The following INTS2 variants were observed in gnomAD, a reference collection of about 807,000 sequenced individuals.
The protein encoded by INTS2 is KIAA1287.
Under a neutral mutation model 139.6 loss-of-function variants are expected in INTS2, and 57 were observed. The ratio of observed to expected loss-of-function variants is 0.41; its 90% CI spans 0.33 to 0.51. The LOEUF (loss-of-function observed/expected upper bound fraction) is 0.51, where lower values mean the gene tolerates loss of function less well. Among genes scored for constraint, INTS2 ranks in the 20% least tolerant of loss-of-function variants. The pLI is 0.28. For missense variants in INTS2, 1,196 were observed against 1,436.7 expected (o/e 0.83, Z 2.71); for synonymous variants, 473 against 493.4 (o/e 0.96, Z 0.55).
rs201955112 is a variant in INTS2, at chr17:61,909,827, G to A, written c.954+1693C>T. Among the ~76,000 whole-genome samples the A allele has an allele frequency of 3.0e-4, 3 of 9,938 alleles. No individual in the cohort carries two copies. The highest frequency in any genetic ancestry group is 3.6e-4 in the African/African-American group (2 of 5,490). 6.5% of individuals were successfully genotyped at this position (9,938 alleles called of 152,430 possible). The stretch of plus-strand genomic sequence containing the variant: ...CGTGTGTGTGTACATGTGTGTATGT[G>A]TGTGTGTGTGTGTGTGTGTGTGTGT... On this transcript the variant is annotated intron_variant, in intron 7 of 24. Transcript: ENST00000251334. The surrounding 1 kb of genome is among the most constrained non-coding windows in gnomAD (Gnocchi z 4.9).
rs570168027 is a variant in INTS2, at chr17:61,867,108, C to A, written c.*449G>T. ...TTTAACTCCTATTATTTCCTTAATT[C>A]TCCTTTCCCTTTACCCTTTTTTCCT... On this transcript the variant is annotated 3_prime_UTR_variant, in exon 25 of 25. Coordinates refer to ENST00000251334, the MANE Select transcript of INTS2 (RefSeq NM_001351695.2). The surrounding 1 kb of genome is among the most constrained non-coding windows in gnomAD (Gnocchi z 5.6). The A allele has an allele frequency of 2.0e-5, 3 of 152,302 alleles. No individual in the cohort carries two copies. Among genetic ancestry groups the A allele is most frequent in the Non-Finnish European group, 4.4e-5 (3 of 68,160 alleles). The allele number at this position is 152,302 out of a possible 1,614,324, so 9.4% of individuals were successfully genotyped here.
Position 61,872,733 on chromosome 17 carries a change from G to A in INTS2, c.2583-273C>T, listed in dbSNP as rs1264038717. On this transcript the variant is annotated intron_variant, in intron 19 of 24. Coordinates refer to ENST00000251334, the MANE Select transcript of INTS2 (RefSeq NM_001351695.2). This position sits in a 1 kb window ranked among gnomAD's most constrained non-coding sequence, Gnocchi z 4.8. ...CTAAAGAAAAGATGACCGGGTGCGG[G>A]CAAAACAATATTGCATGAAGAAAAA... Among the ~76,000 whole-genome samples the A allele has an allele frequency of 6.6e-6, 1 of 152,024 alleles. No homozygotes were observed. The highest frequency in any genetic ancestry group is 6.6e-5 in the Admixed American group (1 of 15,242).
chr17:61,866,694 C>A lies in INTS2; in HGVS notation c.*863G>T, dbSNP rs1208016445. 1 of 152,018 alleles carries A rather than the reference C, an allele frequency of 6.6e-6. No individual in the cohort carries two copies. Among genetic ancestry groups the A allele is most frequent in the African/African-American group, 2.4e-5 (1 of 41,386 alleles). 9.4% of individuals were successfully genotyped at this position (152,018 alleles called of 1,614,324 possible). A position where few individuals can be genotyped will look rare whatever the true frequency, so the allele number is the denominator to read the frequency against. On this transcript the variant is annotated 3_prime_UTR_variant, in exon 25 of 25. Transcript: ENST00000251334. ...CTCTTTAATCCAGTGGGTTTTATTGCTCTACCTTCATTTAATTTGATACAT... is the reference window on the plus strand; with the variant it reads ...CTCTTTAATCCAGTGGGTTTTATTGATCTACCTTCATTTAATTTGATACAT...
intron 5 of INTS2, among the ~76,000 whole-genome samples, chr17:61,914,619 CG>C (rs1603382462): frequency 6.7e-6 from 1 of 149,066 alleles, no homozygotes; most frequent in East Asian, 2.0e-4. Flanking sequence ...GGGAGAATGG[CG>C]TGAACACAGG....
chr17:61,873,367 A>AAT lies in INTS2; in HGVS notation c.2583-908_2583-907insAT, dbSNP rs544157100. 2.6e-3 allele frequency among the ~76,000 whole-genome samples: 403 copies of AAT among 152,272 alleles called. 3 individuals are homozygous for AAT. The highest frequency in any genetic ancestry group is 0.01 in the Middle Eastern group (3 of 294). ...AGCAAGACCCCCAACTCAAAAAATA[A>AAT]AAATAAATTTGAAATAAGAACATTA... On this transcript the variant is annotated intron_variant, in intron 19 of 24. Coordinates refer to ENST00000251334, the MANE Select transcript of INTS2 (RefSeq NM_001351695.2). The surrounding 1 kb of genome is among the most constrained non-coding windows in gnomAD (Gnocchi z 4.0).
intron 11 of INTS2, 33 bp from the exon 12 acceptor site, chr17:61,895,416 A>G: frequency 3.1e-6 from 4 of 1,304,004 alleles, no homozygotes; most frequent in Non-Finnish European, 4.3e-6. Flanking sequence ...AACAGCATGT[A>G]AAAATATATG....
chr17:61,917,084 T>C (rs984420167), intron 5 of INTS2, among the ~76,000 whole-genome samples: 4 of 152,214 alleles, frequency 2.6e-5, no homozygotes, highest in Non-Finnish European at 2.9e-5. Context: ...AAAACAATCA[T>C]GAAATGCCAT....
intron 9 of INTS2, among the ~76,000 whole-genome samples, chr17:61,903,609 A>T (rs1319177223): frequency 6.6e-6 from 1 of 152,092 alleles, no homozygotes; most frequent in African/African-American, 2.4e-5. Context: ...TGAATGGTAC[A>T]TATAACACCA....
rs896354099 is a variant in INTS2 at position 61,868,514 on chromosome 17, G to T, written c.3245-505C>A. 3.9e-5 allele frequency among the ~76,000 whole-genome samples: 6 copies of T among 152,094 alleles called. No homozygotes were observed. The highest frequency in any genetic ancestry group is 1.3e-4 in the Admixed American group (2 of 15,270). On this transcript the variant is annotated intron_variant, in intron 23 of 24. Coordinates refer to ENST00000251334, the MANE Select transcript of INTS2 (RefSeq NM_001351695.2). This position sits in a 1 kb window ranked among gnomAD's most constrained non-coding sequence, Gnocchi z 4.7. The stretch of plus-strand genomic sequence containing the variant: ...TAACTATGCCATTACATTAAGGGTT[G>T]CATTATAGTTCATATATTTTAAAGT...
At chr17:61,911,207 C>T in intron 7 of INTS2, 1 of 354,804 alleles carries the variant, frequency 2.8e-6, no homozygotes, top group Admixed American at 4.5e-5. Flanking sequence ...AATCTTCCTG[C>T]TTCAGCCTCC....
chr17:61,914,095 C>T (rs2079553601), intron 5 of INTS2, among the ~76,000 whole-genome samples: 1 of 151,116 alleles, frequency 6.6e-6, no homozygotes, highest in African/African-American at 2.4e-5. Flanking sequence ...GAGACTGCCA[C>T]TAGATTAAAA....
chr17:61,924,236 TATTCAC>T (rs1198922549), intron 3 of INTS2, among the ~76,000 whole-genome samples: 1 of 152,172 alleles, frequency 6.6e-6, no homozygotes, highest in African/African-American at 2.4e-5. Context: ...ATTTTTCAGT[TATTCAC>T]ATTCAGTTAT....
chr17:61,926,953 G>A, intron 1 of INTS2: 2 of 408,688 alleles, frequency 4.9e-6, no homozygotes, highest in Non-Finnish European at 4.5e-6. Flanking sequence ...GAAGTAACAC[G>A]CCCAAAATAG....
chr17:61,888,882 G>T (rs904741076), intron 15 of INTS2, among the ~76,000 whole-genome samples: 1 of 151,956 alleles, frequency 6.6e-6, no homozygotes, highest in African/African-American at 2.4e-5. Flanking sequence ...AAAATTAGCC[G>T]GGCGTCGTAG....
intron 5 of INTS2, among the ~76,000 whole-genome samples, chr17:61,917,633 G>A (rs1435994424): frequency 6.6e-6 from 1 of 152,244 alleles, no homozygotes; most frequent in South Asian, 2.1e-4. Context: ...CCAGTGGGGA[G>A]GAAGAAAGGG....
At chr17:61,885,752 CAG>C (rs1368141776) in intron 15 of INTS2, among the ~76,000 whole-genome samples, 3 of 107,234 alleles carry the variant, frequency 2.8e-5, no homozygotes, top group African/African-American at 7.6e-5. Context: ...TTTTTTGAGA[CAG>C]AGTCTCGCTC....
rs1801971243 is a variant in INTS2, at chr17:61,921,770, C to T, written c.490G>A (p.Val164Ile). Residue 164 changes from valine (V) to isoleucine (I), a missense_variant, in exon 4 of 25, where the codon GTA becomes ATA. By Grantham distance (29) the Val-to-Ile change is conservative. Around this residue, in one of 3 missense-constraint regions of INTS2, gnomAD observed 1,129 missense variants for 1,341.9 expected, o/e 0.84. Coordinates refer to ENST00000251334, the MANE Select transcript of INTS2 (RefSeq NM_001351695.2). Reference protein sequence around the residue: ...FKSSELFESPVYLEEAADVLC... With the variant: ...FKSSELFESPIYLEEAADVLC... ...ACATCTGCAGCTTCCTCCAAATATA[C>T]TGGACTCTCAAAAAGTTCAGAAGAC... is the stretch of plus-strand genomic sequence containing the variant. 4 of 1,606,820 alleles carry T rather than the reference C, an allele frequency of 2.5e-6. No homozygotes were observed. The highest frequency in any genetic ancestry group is 3.4e-6 in the Non-Finnish European group (4 of 1,176,320).
At position 61,908,939 on chromosome 17, in the gene INTS2, C is replaced by T. The variant is rs114271017; in HGVS notation, c.955-1305G>A. On this transcript the variant is annotated intron_variant, in intron 7 of 24. Coordinates refer to ENST00000251334, the MANE Select transcript of INTS2 (RefSeq NM_001351695.2). ...ATGTTGTCTAGCTAAGTGACCTCAA[C>T]GAGTTAAATCGCAATCTGCATTAGC... Among the ~76,000 whole-genome samples, 112 of 152,120 alleles carry T rather than the reference C, an allele frequency of 7.4e-4. 1 individual carries two copies. The highest frequency in any genetic ancestry group is 2.4e-3 in the African/African-American group (98 of 41,530).
chr17:61,884,203 AGGG>A (rs2079203759), intron 16 of INTS2, among the ~76,000 whole-genome samples: 1 of 152,128 alleles, frequency 6.6e-6, no homozygotes, highest in African/African-American at 2.4e-5. Context: ...TAGATGAGGC[AGGG>A]GAGGCCGGGC....
Sources: gnomAD v4.1 joint callset for allele counts (sites outside exome capture counted in the v4.1 genomes callset) on GRCh38, gnomAD v4.1.1 for gene constraint, gnomAD v4.1.1 regional missense constraint, Gnocchi (gnomAD v3.1) non-coding constraint, MANE v1.5 for transcripts, NCBI Gene and HGNC (gene_info 2026-07-23, HGNC 2026-07-21) for gene names.